The following TECPR2 variants were observed in gnomAD, a reference collection of about 807,000 sequenced individuals.
The protein encoded by TECPR2 is tectonin beta-propeller repeat-containing protein 2.
A neutral mutation model predicts 138.1 loss-of-function variants in TECPR2; 65 were observed. That is an observed-to-expected ratio of 0.47 (90% CI 0.39 to 0.58). The LOEUF (loss-of-function observed/expected upper bound fraction) is 0.58, where lower values mean the gene tolerates loss of function less well. Ranked by LOEUF, TECPR2 falls within the 20% of genes least tolerant of loss-of-function variation. The probability of loss-of-function intolerance (pLI) is 0.00; values close to 1 mark genes in which losing one functional copy is unlikely to be tolerated. For missense variants in TECPR2, 1,553 were observed against 1,824.5 expected, an observed-to-expected ratio of 0.85 and a Z score of 2.71; for synonymous variants, 746 against 749.8, an observed-to-expected ratio of 0.99 and a Z score of 0.08.
chr14:102,364,846 G>A (rs1332038925), intron 1 of TECPR2, among the ~76,000 whole-genome samples: 9 of 152,202 alleles, frequency 5.9e-5, no homozygotes, highest in Admixed American at 5.9e-4. Flanking sequence ...TTGAACTTGG[G>A]AAGATGAGGA....
At position 102,450,641 on chromosome 14, in the gene TECPR2, C is replaced by T. The variant is rs541549767; in HGVS notation, c.3398C>T (p.Thr1133Met). ...WAFVLASAAPTKEGSFLWLCQ... is the reference protein window; with the variant it reads ...WAFVLASAAPMKEGSFLWLCQ... ...TTTGTGTTGGCTTCTGCAGCTCCCA[C>T]GAAGGAAGGTGGGTCAGTCTTAGCC... The change falls in exon 15 of 20, where the codon ACG (threonine) becomes ATG (methionine). Residue 1133 changes from threonine to methionine, a missense_variant. Coordinates refer to ENST00000359520, the MANE Select transcript of TECPR2 (RefSeq NM_014844.5). 2.9e-5 allele frequency: 47 copies of T among 1,614,118 alleles called. No homozygotes were observed. The highest frequency in any genetic ancestry group is 1.6e-4 in the East Asian group (7 of 44,874).
At chr14:102,372,019 C>G (rs1887519606) in intron 1 of TECPR2, among the ~76,000 whole-genome samples, 1 of 152,166 alleles carries the variant, frequency 6.6e-6, no homozygotes, top group African/African-American at 2.4e-5. Context: ...TAGGGTCTCA[C>G]TCTGTCACCC....
chr14:102,401,596 GATGGAACCCTGTCTCTACTGAAAA>G (rs1567325048), intron 2 of TECPR2, among the ~76,000 whole-genome samples: 1 of 151,788 alleles, frequency 6.6e-6, no homozygotes, highest in Admixed American at 6.6e-5. Context: ...TGGTTAATAT[GATGGAACCCTGTCTCTACTGAAAA>G]GTGGAACCCT....
chr14:102,397,789 G>T (rs192706886), intron 2 of TECPR2, among the ~76,000 whole-genome samples: 3 of 151,478 alleles, frequency 2.0e-5, no homozygotes, highest in African/African-American at 7.3e-5. Flanking sequence ...GTAAAACAGC[G>T]TATGAAGGCT....
At chr14:102,494,685 A>G (rs1394909862) in intron 17 of TECPR2, among the ~76,000 whole-genome samples, 2 of 150,758 alleles carry the variant, frequency 1.3e-5, no homozygotes, top group African/African-American at 2.5e-5. Context: ...TTAGCCTGGC[A>G]TGGTGGTGCA....
intron 1 of TECPR2, among the ~76,000 whole-genome samples, chr14:102,375,700 C>T (rs1567314062): frequency 6.6e-6 from 1 of 152,180 alleles, no homozygotes; most frequent in East Asian, 1.9e-4. Context: ...TAAAATATCC[C>T]TCCAGGTGTA....
chr14:102,364,010 T>C (rs1409472388), intron 1 of TECPR2, among the ~76,000 whole-genome samples: 4 of 152,222 alleles, frequency 2.6e-5, no homozygotes, highest in South Asian at 2.1e-4. Flanking sequence ...TCCTCTCTTA[T>C]TGGGATTCAG....
chr14:102,502,395 T>C lies in TECPR2; in HGVS notation c.*4138T>C, dbSNP rs1052928457. ...CTGGTCATAGTGGTTGCCTGGAGTA[T>C]ATGCCTTTTTGTATCCTTTGAATTT... On this transcript the variant is annotated 3_prime_UTR_variant, in exon 20 of 20. Transcript: ENST00000359520. The C allele has an allele frequency of 1.3e-5, 2 of 152,686 alleles. No individual in the cohort carries two copies. Among genetic ancestry groups the C allele is most frequent in the African/African-American group, 4.8e-5 (2 of 41,464 alleles). The allele number at this position is 152,686 out of a possible 1,614,324, so 9.5% of individuals were successfully genotyped here.
rs377267055 is a variant in TECPR2 at position 102,441,402 on chromosome 14, TGTG to T, written c.2752+798_2752+800del. ...GCTCTAAATAGCAGTTCAGGCCAGGTGTGGTGGCTCATGCCTGTAATCCCAACA... is the reference window on the plus strand; with the variant it reads ...GCTCTAAATAGCAGTTCAGGCCAGGTGTGGCTCATGCCTGTAATCCCAACA... On this transcript the variant is annotated intron_variant, in intron 11 of 19. Coordinates refer to ENST00000359520, the MANE Select transcript of TECPR2 (RefSeq NM_014844.5). Among the ~76,000 whole-genome samples the T allele has an allele frequency of 3.2e-4, 47 of 146,292 alleles. 1 individual carries two copies. The highest frequency in any genetic ancestry group is 1.2e-3 in the African/African-American group (47 of 39,998).
intron 2 of TECPR2, among the ~76,000 whole-genome samples, chr14:102,388,029 CA>C (rs1439204675): frequency 1.3e-5 from 2 of 152,232 alleles, no homozygotes; most frequent in African/African-American, 2.4e-5. Flanking sequence ...ACAAGTATTT[CA>C]TTGGCTTATA....
intron 17 of TECPR2, among the ~76,000 whole-genome samples, chr14:102,488,530 G>A (rs1396895953): frequency 1.3e-5 from 2 of 151,436 alleles, no homozygotes; most frequent in African/African-American, 4.9e-5. Flanking sequence ...TTTTAGTAGA[G>A]ACGAGGTCTC....
chr14:102,445,672 C>A, intron 12 of TECPR2, 134 bp from the exon 13 acceptor site: 1 of 1,147,020 alleles, frequency 8.7e-7, no homozygotes, highest in Non-Finnish European at 1.2e-6. Context: ...TTCCCTGGCA[C>A]CTGCTGATCC....
Position 102,497,060 on chromosome 14 carries a change from C to A in TECPR2, c.3871C>A (p.His1291Asn). The A allele has an allele frequency of 6.2e-7, 1 of 1,613,762 alleles. No individual in the cohort carries two copies. Among genetic ancestry groups the A allele is most frequent in the Non-Finnish European group, 8.5e-7 (1 of 1,180,028 alleles). Residue 1291 changes from histidine to asparagine, a missense_variant, in exon 18 of 20, where the codon CAC becomes AAC. Physicochemically the swap from His to Asn is moderately conservative, Grantham distance 68. Transcript: ENST00000359520. ...GGTGCTTGACAGCAGGTGGAACGTG[C>A]ACGTGCGGACCGGGATCACCGAGGA... Reference protein sequence around the residue: ...LWVLDSRWNVHVRTGITEEMP... With the variant: ...LWVLDSRWNVNVRTGITEEMP...
chr14:102,380,925 G>A (rs376528174), intron 2 of TECPR2, among the ~76,000 whole-genome samples: 40 of 150,490 alleles, frequency 2.7e-4, no homozygotes, highest in African/African-American at 7.3e-4. Context: ...TGATCTGCCC[G>A]CCTCGGCCTC....
At chr14:102,407,222 A>T in intron 2 of TECPR2, 116 bp from the exon 3 acceptor site, 3 of 1,326,888 alleles carry the variant, frequency 2.3e-6, no homozygotes, top group Non-Finnish European at 3.0e-6. Context: ...TTCAATCAAG[A>T]ATATGTATGG....
intron 4 of TECPR2, among the ~76,000 whole-genome samples, chr14:102,411,768 A>G (rs960271218): frequency 6.2e-5 from 9 of 145,840 alleles, no homozygotes; most frequent in Non-Finnish European, 1.1e-4. Flanking sequence ...CTGTTGCCAT[A>G]CATTGTTTTG....
At chr14:102,449,408 A>C (rs1890077506) in intron 13 of TECPR2, among the ~76,000 whole-genome samples, 1 of 152,202 alleles carries the variant, frequency 6.6e-6, no homozygotes, top group African/African-American at 2.4e-5. Flanking sequence ...TTTAAATCCA[A>C]CCCTACGAAG....
Position 102,424,691 on chromosome 14 carries a change from C to CA in TECPR2, c.639-287dup, listed in dbSNP as rs537567106. Among the ~76,000 whole-genome samples, 9 of 152,298 alleles carry CA rather than the reference C, an allele frequency of 5.9e-5. No homozygotes were observed. In the South Asian group the frequency reaches 1.9e-3, roughly 32 times the overall value. Reference sequence around the variant, plus strand: ...ACTCATGGTTGTTGTAAGGATTAGACACGAGAGTGGGATCAAGTGCCAGGC... The same window carrying CA: ...ACTCATGGTTGTTGTAAGGATTAGACAACGAGAGTGGGATCAAGTGCCAGGC... On this transcript the variant is annotated intron_variant, in intron 5 of 19. Transcript: ENST00000359520.
intron 7 of TECPR2, among the ~76,000 whole-genome samples, chr14:102,428,978 G>C (rs1889398702): frequency 6.6e-6 from 1 of 151,946 alleles, no homozygotes; most frequent in African/African-American, 2.4e-5. Flanking sequence ...CTCCTGAGTA[G>C]CTGGGATTAC....
Sources: gnomAD v4.1 joint callset for allele counts (sites outside exome capture counted in the v4.1 genomes callset) on GRCh38, gnomAD v4.1.1 for gene constraint, MANE v1.5 for transcripts, NCBI Gene and HGNC (gene_info 2026-07-23, HGNC 2026-07-21) for gene names.